Variants in DPP10 observed in about 807,000 individuals in gnomAD.
DPP10 encodes inactive dipeptidyl peptidase 10.
DPP10 carries 33 observed loss-of-function variants against 120.9 expected under a neutral mutation model. The ratio of observed to expected loss-of-function variants is 0.27; its 90% confidence interval spans 0.21 to 0.37. The LOEUF (loss-of-function observed/expected upper bound fraction) is 0.37. Among genes scored for constraint, DPP10 ranks in the 10% least tolerant of loss-of-function variants. The probability of loss-of-function intolerance (pLI) is 1.00; values close to 1 mark genes in which losing one functional copy is unlikely to be tolerated. For missense variants in DPP10, 816 were observed against 942.8 expected, an observed-to-expected ratio of 0.87 and a Z score of 1.76; for synonymous variants, 337 against 326.1, an observed-to-expected ratio of 1.03 and a Z score of -0.36.
At chr2:114,653,027 A>AGAGAGTGTGTGTGTGTGTGTGTGT (rs1553476958) in intron 1 of DPP10, among the ~76,000 whole-genome samples, 1 of 135,774 alleles carries the variant, frequency 7.4e-6, no homozygotes, top group African/African-American at 3.1e-5. Context: ...AGAGAGAGAG[A>AGAGAGTGTGTGTGTGTGTGTGTGT]GTGTGTGTGT....
intron 21 of DPP10, among the ~76,000 whole-genome samples, chr2:115,819,329 T>C (rs937628081): frequency 1.6e-4 from 25 of 152,206 alleles, no homozygotes; most frequent in African/African-American, 6.0e-4. Context: ...CAAGAATATA[T>C]ACAAACAGCA....
intron 1 of DPP10, among the ~76,000 whole-genome samples, chr2:114,663,494 C>T (rs1697607627): frequency 1.3e-5 from 2 of 150,268 alleles, no homozygotes; most frequent in East Asian, 1.9e-4. Flanking sequence ...TAGCCCTGCC[C>T]CAACAGGACC....
intron 13 of DPP10, among the ~76,000 whole-genome samples, chr2:115,771,695 T>C (rs1280129608): frequency 6.6e-6 from 1 of 152,208 alleles, no homozygotes; most frequent in East Asian, 1.9e-4. Flanking sequence ...CTACTTAAAG[T>C]TGTCGTGCCT....
At chr2:114,566,019 T>G (rs1573670078) in intron 1 of DPP10, among the ~76,000 whole-genome samples, 2 of 152,346 alleles carry the variant, frequency 1.3e-5, no homozygotes, top group East Asian at 3.9e-4. Context: ...TGGGGGTGGA[T>G]GTCTATAATT....
At position 115,587,961 on chromosome 2, in the gene DPP10, A is replaced by G. The variant is rs149950266; in HGVS notation, c.441+61989A>G. Among the ~76,000 whole-genome samples the G allele has an allele frequency of 4.6e-3, 705 of 152,286 alleles. 15 individuals carry two copies. Among genetic ancestry groups the G allele is most frequent in the Non-Finnish European group, 2.9e-3 (196 of 68,024 alleles). On this transcript the variant is annotated intron_variant, in intron 5 of 25. Transcript: ENST00000410059. ...CAATTATTACAATTATTACTCTAAG[A>G]TCCAAAACACAAATATTTATTGTAG...
chr2:114,477,953 ATG>A (rs780764517), intron 1 of DPP10, among the ~76,000 whole-genome samples: 13 of 149,414 alleles, frequency 8.7e-5, no homozygotes, highest in Non-Finnish European at 1.2e-4. Context: ...ATGTACATAT[ATG>A]TGTGTATATG....
chr2:115,414,017 C>CT (rs1432067902), intron 3 of DPP10, among the ~76,000 whole-genome samples: 47 of 152,198 alleles, frequency 3.1e-4, no homozygotes, highest in African/African-American at 1.1e-3. Flanking sequence ...GGTTCAAGGC[C>CT]TTAAAGATAA....
chr2:115,228,445 A>G (rs1428647157), intron 1 of DPP10, among the ~76,000 whole-genome samples: 1 of 152,004 alleles, frequency 6.6e-6, no homozygotes, highest in Non-Finnish European at 1.5e-5. Flanking sequence ...TCAAATATAG[A>G]TCTTATTCAC....
chr2:115,050,533 G>A (rs1382318726), intron 1 of DPP10, among the ~76,000 whole-genome samples: 1 of 152,010 alleles, frequency 6.6e-6, no homozygotes, highest in African/African-American at 2.4e-5. Flanking sequence ...ACTGTTTCCT[G>A]GGGAAGTGAA....
intron 1 of DPP10, among the ~76,000 whole-genome samples, chr2:114,740,437 G>A (rs927087461): frequency 6.7e-6 from 1 of 149,570 alleles, no homozygotes; most frequent in South Asian, 2.1e-4. Context: ...CAGCACACCA[G>A]CATGGCACAT....
At chr2:115,248,237 T>C (rs2105639599) in intron 1 of DPP10, among the ~76,000 whole-genome samples, 1 of 152,274 alleles carries the variant, frequency 6.6e-6, no homozygotes, top group East Asian at 1.9e-4. Flanking sequence ...AATGCAATTC[T>C]CCCTCTCTCT....
At chr2:114,780,986 A>G (rs370897106) in intron 1 of DPP10, among the ~76,000 whole-genome samples, 1 of 152,144 alleles carries the variant, frequency 6.6e-6, no homozygotes, top group East Asian at 1.9e-4. Flanking sequence ...TATCTTTCCT[A>G]CTAGGATATA....
intron 1 of DPP10, among the ~76,000 whole-genome samples, chr2:114,777,365 A>G (rs1681849755): frequency 6.6e-6 from 1 of 152,124 alleles, no homozygotes; most frequent in Admixed American, 6.6e-5. Context: ...ATCCTTAGAA[A>G]TATATTACCC....
intron 1 of DPP10, among the ~76,000 whole-genome samples, chr2:114,516,746 AAG>A: frequency 6.6e-6 from 1 of 152,358 alleles, no homozygotes; most frequent in Non-Finnish European, 1.5e-5. Context: ...TTAAACTCAA[AAG>A]AGAGTATTTC....
intron 1 of DPP10, among the ~76,000 whole-genome samples, chr2:115,197,610 A>T (rs1399075527): frequency 6.6e-6 from 1 of 152,148 alleles, no homozygotes; most frequent in South Asian, 2.1e-4. Flanking sequence ...TGTATCTTCA[A>T]GTTCTTTAAG....
chr2:115,159,822 CAG>C (rs2052176047), intron 1 of DPP10, among the ~76,000 whole-genome samples: 2 of 152,158 alleles, frequency 1.3e-5, no homozygotes, highest in Admixed American at 1.3e-4. Flanking sequence ...ATTCAGAACA[CAG>C]ATGCAAATTC....
At chr2:115,771,151 T>G (rs1462793303) in intron 13 of DPP10, among the ~76,000 whole-genome samples, 1 of 151,998 alleles carries the variant, frequency 6.6e-6, no homozygotes, top group Non-Finnish European at 1.5e-5. Flanking sequence ...CTCGGCTCAC[T>G]GCAACCCCCT....
chr2:114,687,086 A>G (rs896768093), intron 1 of DPP10, among the ~76,000 whole-genome samples: 4 of 152,026 alleles, frequency 2.6e-5, no homozygotes, highest in African/African-American at 9.7e-5. Context: ...CACGTAGGAT[A>G]GGGTTACAGT....
chr2:115,289,770 T>A (rs903627413), intron 1 of DPP10, among the ~76,000 whole-genome samples: 3 of 152,176 alleles, frequency 2.0e-5, no homozygotes, highest in Non-Finnish European at 4.4e-5. Flanking sequence ...ATTCAATACT[T>A]GGTTCTGGGA....
Sources: gnomAD v4.1 joint callset for allele counts (sites outside exome capture counted in the v4.1 genomes callset) on GRCh38, gnomAD v4.1.1 for gene constraint, MANE v1.5 for transcripts, NCBI Gene and HGNC (gene_info 2026-07-23, HGNC 2026-07-21) for gene names.